The following RNASEH2B variants were observed in gnomAD, a reference collection of about 807,000 sequenced individuals.
RNASEH2B encodes the protein ribonuclease H2 subunit B, also known as Aicardi-Goutieres syndrome 2 protein.
Under a neutral mutation model 45.0 loss-of-function variants are expected in RNASEH2B, and 36 were observed. That is an observed-to-expected ratio of 0.80 (90% CI 0.61 to 1.06). The LOEUF is 1.06. Ranked by LOEUF, RNASEH2B falls within the 50% of genes least tolerant of loss-of-function variation. RNASEH2B has a pLI of 0.00. For missense variants in RNASEH2B, 361 were observed against 360.3 expected, an observed-to-expected ratio of 1.00 and a Z score of -0.02; for synonymous variants, 119 against 125.7, an observed-to-expected ratio of 0.95 and a Z score of 0.35.
At chr13:50,928,525 G>A (rs906504558) in intron 2 of RNASEH2B, 3 of 152,194 alleles carry the variant, frequency 2.0e-5, no homozygotes, top group African/African-American at 7.2e-5. Flanking sequence ...AAGAAAGCCA[G>A]CCCTCTTTTA....
chr13:50,965,534 C>T (rs1307709521), intron 9 of RNASEH2B, among the ~76,000 whole-genome samples: 1 of 152,210 alleles, frequency 6.6e-6, no homozygotes, highest in Admixed American at 6.5e-5. Flanking sequence ...TCAATCCATC[C>T]TGGACACCCC....
chr13:50,967,384 G>T (rs1295979611), intron 9 of RNASEH2B, among the ~76,000 whole-genome samples: 1 of 152,176 alleles, frequency 6.6e-6, no homozygotes, highest in Non-Finnish European at 1.5e-5. Context: ...GAAATACAAA[G>T]AACACAATTG....
chr13:50,939,548 T>G (rs896555574), intron 5 of RNASEH2B, among the ~76,000 whole-genome samples: 8 of 151,788 alleles, frequency 5.3e-5, no homozygotes, highest in Non-Finnish European at 1.0e-4. Context: ...AAAAATAAAA[T>G]AAATTTGGTG....
chr13:50,957,146 C>T (rs1416054752), downstream of RNASEH2B, among the ~76,000 whole-genome samples: 10 of 150,458 alleles, frequency 6.6e-5, no homozygotes, highest in Non-Finnish European at 4.4e-5. Context: ...AGGTTTGTTA[C>T]AGAAGGATAC....
At chr13:50,918,875 A>G (rs962167472) in intron 1 of RNASEH2B, among the ~76,000 whole-genome samples, 1 of 152,210 alleles carries the variant, frequency 6.6e-6, no homozygotes. Context: ...ATCGTATTGC[A>G]TAAGCATGAG....
At chr13:50,970,302 TCACC>T in exon 10 of RNASEH2B, 1 of 495,452 alleles carries the variant, frequency 2.0e-6, no homozygotes. Context: ...TGTCTTGATT[TCACC>T]CTGAAAGCTT....
downstream of RNASEH2B, chr13:50,960,236 A>C (rs1380836895): frequency 6.2e-6 from 4 of 642,012 alleles, no homozygotes; most frequent in Non-Finnish European, 8.8e-6. Context: ...ATTAATGGAA[A>C]AATTTTCCAT....
chr13:50,927,230 A>G (rs1272559506), intron 1 of RNASEH2B, 177 bp from the exon 2 acceptor site: 2 of 538,330 alleles, frequency 3.7e-6, no homozygotes, highest in Admixed American at 2.7e-5. Context: ...CTGAAATTCA[A>G]CTGCAACTTG....
At chr13:50,950,329 TG>T (rs1951960371) in intron 9 of RNASEH2B, 1 of 152,242 alleles carries the variant, frequency 6.6e-6, no homozygotes, top group South Asian at 2.1e-4. Flanking sequence ...GTAGCTAAAA[TG>T]CTCATAATTT....
At chr13:50,945,658 A>T (rs1182447771) in intron 7 of RNASEH2B, 126 bp downstream of exon 7, 25 of 698,956 alleles carry the variant, frequency 3.6e-5, no homozygotes, top group Admixed American at 8.1e-5. Flanking sequence ...TGCCTCATAC[A>T]CATTGTGGCA....
chr13:50,930,789 G>A (rs1372533195), intron 4 of RNASEH2B, 30 bp downstream of exon 4: 8 of 1,513,040 alleles, frequency 5.3e-6, no homozygotes, highest in South Asian at 1.1e-5. Flanking sequence ...CATCCACAGT[G>A]AGGAAACAGA....
chr13:50,948,133 G>A (rs1951929356), intron 8 of RNASEH2B, 65 bp downstream of exon 8: 2 of 1,598,974 alleles, frequency 1.3e-6, no homozygotes, highest in Admixed American at 3.3e-5. Flanking sequence ...CCAGCAGTGG[G>A]GTTTCCTTAT....
intron 4 of RNASEH2B, among the ~76,000 whole-genome samples, chr13:50,932,319 CAA>C (rs1218811712): frequency 3.3e-5 from 5 of 152,180 alleles, no homozygotes; most frequent in Non-Finnish European, 7.3e-5. Context: ...GTTAAGCAGC[CAA>C]AGGCCTTTAG....
chr13:50,917,878 C>A (rs371575512), intron 1 of RNASEH2B, among the ~76,000 whole-genome samples: 8 of 152,260 alleles, frequency 5.3e-5, no homozygotes, highest in African/African-American at 1.9e-4. Flanking sequence ...CTCTCAGTCA[C>A]CCCAATCAGG....
At chr13:50,917,799 T>A (rs777938586) in intron 1 of RNASEH2B, among the ~76,000 whole-genome samples, 48 of 152,302 alleles carry the variant, frequency 3.2e-4, no homozygotes, top group South Asian at 8.3e-4. Flanking sequence ...GAAAGGCTGG[T>A]CTCAAACTGC....
rs1951668772 is a variant in RNASEH2B, at chr13:50,930,686, G to T, written c.248G>T (p.Gly83Val). ...WFINQSVQSG[G>V]LLHFATPVDP... ...TCATCCTTTTTGTAATCTGCAGGAGGTCTTCTCCATTTTGCCACACCTGTG... is the reference window on the plus strand; with the variant it reads ...TCATCCTTTTTGTAATCTGCAGGAGTTCTTCTCCATTTTGCCACACCTGTG... The change falls in exon 4 of 11, where the codon GGT becomes GTT. Residue 83 changes from glycine to valine, a missense_variant. Coordinates refer to ENST00000336617, the MANE Select transcript of RNASEH2B (RefSeq NM_024570.4). 6.2e-7 allele frequency: 1 copy of T among 1,610,482 alleles called. No homozygotes were observed.
At position 50,951,046 on chromosome 13, in the gene RNASEH2B, C is replaced by G. The variant is rs368713705; in HGVS notation, c.741+1541C>G. Reference sequence around the variant, plus strand: ...TGAGCATGGCTGTGTTCCAGTAAAACTTCATTTATAAAAGCAGGCAGCCAG... The same window carrying G: ...TGAGCATGGCTGTGTTCCAGTAAAAGTTCATTTATAAAAGCAGGCAGCCAG... On this transcript the variant is annotated intron_variant, in intron 9 of 10. Coordinates refer to ENST00000336617, the MANE Select transcript of RNASEH2B (RefSeq NM_024570.4). 7 of 152,352 alleles carry G rather than the reference C, an allele frequency of 4.6e-5. No individual in the cohort carries two copies. The East Asian group carries it at 7.7e-4, about 17-fold the overall frequency. 9.4% of individuals were successfully genotyped at this position (152,352 alleles called of 1,614,324 possible). A position where few individuals can be genotyped will look rare whatever the true frequency, so the allele number is the denominator to read the frequency against.
Position 50,937,773 on chromosome 13 carries a change from C to G in RNASEH2B, c.436+2774C>G, listed in dbSNP as rs1593465378. ...AAAATTCAGTCATGATATATATTATCAGCAAATGAAGAATAAAAGGGAACT... is the reference window on the plus strand; with the variant it reads ...AAAATTCAGTCATGATATATATTATGAGCAAATGAAGAATAAAAGGGAACT... On this transcript the variant is annotated intron_variant, in intron 5 of 10. Coordinates refer to ENST00000336617, the MANE Select transcript of RNASEH2B (RefSeq NM_024570.4). 2 of 152,144 alleles carry G rather than the reference C, an allele frequency of 1.3e-5. 1 individual carries two copies. The highest frequency in any genetic ancestry group is 4.1e-4 in the South Asian group (2 of 4,834). The allele number at this position is 152,144 out of a possible 1,614,324, so 9.4% of individuals were successfully genotyped here.
chr13:50,952,361 G>A (rs1220905422), intron 9 of RNASEH2B: 1 of 152,056 alleles, frequency 6.6e-6, no homozygotes, highest in African/African-American at 2.4e-5. Context: ...TAAAAAATGT[G>A]CATCACCTAA....
Sources: gnomAD v4.1 joint callset for allele counts (sites outside exome capture counted in the v4.1 genomes callset) on GRCh38, gnomAD v4.1.1 for gene constraint, MANE v1.5 for transcripts, NCBI Gene and HGNC (gene_info 2026-07-23, HGNC 2026-07-21) for gene names.